Variants in AGPS observed in about 807,000 individuals in gnomAD.
The protein encoded by AGPS is alkylglycerone phosphate synthase.
Under a neutral mutation model 90.7 loss-of-function variants are expected in AGPS, and 26 were observed. That is an observed-to-expected ratio of 0.29 (90% confidence interval 0.21 to 0.40). The LOEUF is 0.40. Among genes scored for constraint, AGPS ranks in the 10% least tolerant of loss-of-function variants. The pLI is 1.00. For missense variants in AGPS, 540 were observed against 816.1 expected (o/e 0.66, Z 4.12); for synonymous variants, 294 against 285.3 (o/e 1.03, Z -0.31).
At chr2:177,441,078 C>T (rs1335737476) in intron 6 of AGPS, 42 bp downstream of exon 6, 1 of 1,445,636 alleles carries the variant, frequency 6.9e-7, no homozygotes, top group Admixed American at 1.7e-5. Flanking sequence ...TAAATTTGTT[C>T]TATTTAAAAT....
chr2:177,508,693 G>A (rs955107235), intron 16 of AGPS, among the ~76,000 whole-genome samples: 4 of 152,088 alleles, frequency 2.6e-5, no homozygotes, highest in Non-Finnish European at 5.9e-5. Context: ...CCTGTGAGTT[G>A]TATTATAACT....
chr2:177,492,567 T>A (rs1333548814), intron 11 of AGPS, among the ~76,000 whole-genome samples: 2 of 152,196 alleles, frequency 1.3e-5, no homozygotes, highest in African/African-American at 2.4e-5. Context: ...TTAATAAGAC[T>A]ACAAAATAGA....
intron 17 of AGPS, among the ~76,000 whole-genome samples, chr2:177,516,762 A>G (rs929446941): frequency 6.6e-6 from 1 of 152,140 alleles, no homozygotes; most frequent in Non-Finnish European, 1.5e-5. Flanking sequence ...TATGAGTGAT[A>G]TATATTTTAC....
intron 14 of AGPS, among the ~76,000 whole-genome samples, chr2:177,500,472 C>T (rs1277626231): frequency 6.6e-6 from 1 of 151,754 alleles, no homozygotes; most frequent in African/African-American, 2.4e-5. Context: ...TATTTATTTT[C>T]ATTTCTTTTT....
intron 17 of AGPS, among the ~76,000 whole-genome samples, chr2:177,520,605 C>T (rs1472410747): frequency 6.6e-6 from 1 of 152,122 alleles, no homozygotes; most frequent in African/African-American, 2.4e-5. Context: ...GGAAAACACG[C>T]TCTTGAAAAG....
At chr2:177,519,284 T>A (rs1689113380) in intron 17 of AGPS, among the ~76,000 whole-genome samples, 1 of 152,194 alleles carries the variant, frequency 6.6e-6, no homozygotes, top group Non-Finnish European at 1.5e-5. Flanking sequence ...GCATTTGTTT[T>A]ACCTAGAACA....
chr2:177,502,488 T>C (rs377332556), intron 14 of AGPS, among the ~76,000 whole-genome samples: 14 of 149,766 alleles, frequency 9.3e-5, no homozygotes, highest in African/African-American at 2.7e-4. Context: ...TGATCATGGC[T>C]CACTGTAGCC....
At chr2:177,431,163 G>A (rs868685292) in intron 2 of AGPS, among the ~76,000 whole-genome samples, 4 of 152,170 alleles carry the variant, frequency 2.6e-5, no homozygotes, top group African/African-American at 4.8e-5. Context: ...CTGGGCCGCC[G>A]GGGGTGATAC....
At chr2:177,441,568 G>A (rs1216773487) in intron 6 of AGPS, 1 of 153,834 alleles carries the variant, frequency 6.5e-6, no homozygotes, top group African/African-American at 2.4e-5. Flanking sequence ...ACTGATCACA[G>A]GCATCACGTT....
At chr2:177,520,564 C>T (rs779505888) in intron 17 of AGPS, among the ~76,000 whole-genome samples, 39 of 152,252 alleles carry the variant, frequency 2.6e-4, no homozygotes, top group Middle Eastern at 3.4e-3. Context: ...TTCACTTGCA[C>T]ATATGGAGCT....
chr2:177,442,444 A>G lies in AGPS; in HGVS notation c.747A>G (p.Ala249=). Residue 249 remains alanine (A), a synonymous_variant, in exon 7 of 20, where the codon GCA becomes GCG. Transcript: ENST00000264167. Reference sequence around the variant, plus strand: ...TTTCATATGGCCTGATGTGTCCTGCAGATGAGACAAGAACAATTATTTCTT... The same window carrying G: ...TTTCATATGGCCTGATGTGTCCTGCGGATGAGACAAGAACAATTATTTCTT... The part of the protein sequence containing the change: ...TSVSYGLMCP[A]DETRTIISLD... 6.2e-7 allele frequency: 1 copy of G among 1,613,956 alleles called. No individual in the cohort carries two copies.
At chr2:177,505,420 CTTA>C in intron 14 of AGPS, 83 bp from the exon 15 acceptor site, 1 of 1,204,996 alleles carries the variant, frequency 8.3e-7, no homozygotes, top group Non-Finnish European at 1.2e-6. Context: ...GTTATTCAAA[CTTA>C]TTCTCTTGAC....
chr2:177,429,765 G>C (rs1288858484), intron 2 of AGPS, among the ~76,000 whole-genome samples: 1 of 152,204 alleles, frequency 6.6e-6, no homozygotes, highest in Non-Finnish European at 1.5e-5. Flanking sequence ...GGAGACCCCT[G>C]TTGGGAGCTC....
chr2:177,479,683 A>G (rs532032918), intron 10 of AGPS, among the ~76,000 whole-genome samples: 2 of 152,354 alleles, frequency 1.3e-5, no homozygotes, highest in South Asian at 2.1e-4. Flanking sequence ...GCCAGATATT[A>G]TGAGATTCCT....
chr2:177,398,271 C>G (rs1316426641), intron 1 of AGPS, among the ~76,000 whole-genome samples: 1 of 151,996 alleles, frequency 6.6e-6, no homozygotes, highest in Non-Finnish European at 1.5e-5. Context: ...AAATATTTAC[C>G]CTATTTTGAG....
rs75752576 is a variant in AGPS at position 177,451,364 on chromosome 2, T to C, written c.870+5738T>C. Among the ~76,000 whole-genome samples, 746 of 152,312 alleles carry C rather than the reference T, an allele frequency of 4.9e-3. 6 individuals are homozygous for C. Among genetic ancestry groups the C allele is most frequent in the African/African-American group, 0.017 (709 of 41,566 alleles). ...AGTTTCTGGTTGTTCTTTAATAGTGTATAAAAATACAGTTTTTTATACTGA... is the reference window on the plus strand; with the variant it reads ...AGTTTCTGGTTGTTCTTTAATAGTGCATAAAAATACAGTTTTTTATACTGA... On this transcript the variant is annotated intron_variant, in intron 8 of 19. Coordinates refer to ENST00000264167, the MANE Select transcript of AGPS (RefSeq NM_003659.4).
rs376946604 is a variant in AGPS at position 177,484,620 on chromosome 2, A to G, written c.1233+2434A>G. On this transcript the variant is annotated intron_variant, in intron 11 of 19. Transcript: ENST00000264167. ...CCCGGCCTCCCAAATTGCTGGGATT[A>G]CAGTCGTGAGCCACCATGCCCAGCC... is the stretch of plus-strand genomic sequence containing the variant. 2.2e-4 allele frequency among the ~76,000 whole-genome samples: 33 copies of G among 152,254 alleles called. 1 individual carries two copies. In the South Asian group the frequency reaches 6.8e-3, roughly 32 times the overall value.
rs930458756 is a variant in AGPS, at chr2:177,470,474, C to T, written c.1105+1950C>T. On this transcript the variant is annotated intron_variant, in intron 10 of 19. Transcript: ENST00000264167. The stretch of plus-strand genomic sequence containing the variant: ...ATCCCAGCACTTTGCAAGGCTGAGG[C>T]GGGTGGATCACTTGAGGTCAGGCAT... Among the ~76,000 whole-genome samples the T allele has an allele frequency of 1.6e-4, 25 of 152,020 alleles. 1 individual carries two copies. Among genetic ancestry groups the T allele is most frequent in the Non-Finnish European group, 2.1e-4 (14 of 67,932 alleles).
At chr2:177,433,442 A>G (rs1686300424) in intron 2 of AGPS, among the ~76,000 whole-genome samples, 1 of 152,168 alleles carries the variant, frequency 6.6e-6, no homozygotes, top group African/African-American at 2.4e-5. Flanking sequence ...CACCAGGAGT[A>G]CATTTTCCAT....
Sources: gnomAD v4.1 joint callset for allele counts (sites outside exome capture counted in the v4.1 genomes callset) on GRCh38, gnomAD v4.1.1 for gene constraint, MANE v1.5 for transcripts, NCBI Gene and HGNC (gene_info 2026-07-23, HGNC 2026-07-21) for gene names.